Variants in ALK observed in about 807,000 individuals in gnomAD.
ALK encodes the protein ALK receptor tyrosine kinase.
A neutral mutation model predicts 163.1 loss-of-function variants in ALK; 74 were observed. The ratio of observed to expected loss-of-function variants is 0.45; its 90% CI spans 0.38 to 0.55. ALK has a LOEUF of 0.55. Ranked by LOEUF, ALK falls within the 20% of genes least tolerant of loss-of-function variation. The pLI, the probability that ALK is intolerant of heterozygous loss-of-function variation, is 0.00. For missense variants in ALK, 2,063 were observed against 2,105.3 expected, an observed-to-expected ratio of 0.98 and a Z score of 0.39; for synonymous variants, 960 against 843.2, an observed-to-expected ratio of 1.14 and a Z score of -2.40.
At chr2:29,786,378 A>C (rs763635714) in intron 1 of ALK, among the ~76,000 whole-genome samples, 1 of 152,230 alleles carries the variant, frequency 6.6e-6, no homozygotes, top group African/African-American at 2.4e-5. Context: ...AAGCCTCTGC[A>C]CAGCCATCAG....
At chr2:29,917,269 T>C (rs1413770239) in intron 1 of ALK, among the ~76,000 whole-genome samples, 3 of 152,286 alleles carry the variant, frequency 2.0e-5, no homozygotes, top group Non-Finnish European at 4.4e-5. Context: ...TCAGCATCAT[T>C]GTGTACCTCC....
At chr2:29,373,584 T>C (rs1254358097) in intron 5 of ALK, among the ~76,000 whole-genome samples, 1 of 152,252 alleles carries the variant, frequency 6.6e-6, no homozygotes, top group Admixed American at 6.5e-5. Context: ...ATATTTAAAA[T>C]AGTTGCCCAA....
chr2:29,543,487 C>T (rs1300420226), intron 3 of ALK, among the ~76,000 whole-genome samples: 2 of 152,198 alleles, frequency 1.3e-5, no homozygotes, highest in East Asian at 3.8e-4. Flanking sequence ...TATGAACACT[C>T]CCACTAGCAG....
chr2:29,643,766 G>A (rs907040719), intron 3 of ALK, among the ~76,000 whole-genome samples: 14 of 152,168 alleles, frequency 9.2e-5, no homozygotes, highest in Non-Finnish European at 1.9e-4. Context: ...TGGAGAGGAT[G>A]TGGAGAAACA....
At position 29,532,231 on chromosome 2, in the gene ALK, A is replaced by T. The variant is rs527468153; in HGVS notation, c.953-115T>A. 1.5e-4 allele frequency: 141 copies of T among 968,138 alleles called. No individual in the cohort carries two copies. The African/African-American group carries it at 2.0e-3, about 14-fold the overall frequency. The allele number at this position is 968,138 out of a possible 1,614,324, so 60.0% of individuals were successfully genotyped here. On this transcript the variant is annotated intron_variant, in intron 3 of 28. Coordinates refer to ENST00000389048, the MANE Select transcript of ALK (RefSeq NM_004304.5). The stretch of plus-strand genomic sequence containing the variant: ...AAAATCAGAGATACTGGAGGCCATT[A>T]TCTCCTTCTCTGCATGCACCCAGCC...
rs553877147 is a variant in ALK, at chr2:29,214,833, G to GTCACTGTGTT, written c.3646-762_3646-753dup. Among the ~76,000 whole-genome samples the GTCACTGTGTT allele has an allele frequency of 1.5e-3, 230 of 152,306 alleles. 1 individual carries two copies. Among genetic ancestry groups the GTCACTGTGTT allele is most frequent in the African/African-American group, 5.3e-3 (219 of 41,570 alleles). On this transcript the variant is annotated intron_variant, in intron 23 of 28. Coordinates refer to ENST00000389048, the MANE Select transcript of ALK (RefSeq NM_004304.5). ...CAGCTCAGCTTCATGCAGTGTCCGA[G>GTCACTGTGTT]TCACTGTGTTGTTCCATGTTGATTT... is the stretch of plus-strand genomic sequence containing the variant.
chr2:29,356,931 A>AT lies in ALK; in HGVS notation c.1282+26800dup, dbSNP rs1668263174. On this transcript the variant is annotated intron_variant, in intron 5 of 28. Coordinates refer to ENST00000389048, the MANE Select transcript of ALK (RefSeq NM_004304.5). ...TAAATGAAGCTTCCCCATCCAGCCC[A>AT]TGACTGCTCCACATCTTCAGAGACC... 2.0e-5 allele frequency among the ~76,000 whole-genome samples: 3 copies of AT among 150,084 alleles called. No homozygotes were observed. The South Asian group carries it at 6.4e-4, about 32-fold the overall frequency.
intron 1 of ALK, among the ~76,000 whole-genome samples, chr2:29,857,242 G>C (rs1373229815): frequency 6.6e-6 from 1 of 152,092 alleles, no homozygotes; most frequent in African/African-American, 2.4e-5. Flanking sequence ...CTATGTGAAT[G>C]GGCAGAGAAA....
intron 1 of ALK, among the ~76,000 whole-genome samples, chr2:29,764,954 G>T (rs1281551251): frequency 1.3e-5 from 2 of 152,166 alleles, no homozygotes; most frequent in African/African-American, 4.8e-5. Context: ...TCTCATGCTA[G>T]TGAGTGAGTT....
chr2:29,522,712 C>G (rs556813579), intron 4 of ALK, among the ~76,000 whole-genome samples: 93 of 152,270 alleles, frequency 6.1e-4, no homozygotes, highest in African/African-American at 2.2e-3. Flanking sequence ...CCACAAAGAA[C>G]CCCCACCCCA....
At chr2:29,199,379 AAGATT>A in intron 26 of ALK, among the ~76,000 whole-genome samples, 1 of 152,242 alleles carries the variant, frequency 6.6e-6, no homozygotes, top group Non-Finnish European at 1.5e-5. Context: ...CCCTTCACCA[AAGATT>A]AGATAAATAT....
At chr2:29,728,452 G>A (rs1340144593) in intron 1 of ALK, among the ~76,000 whole-genome samples, 1 of 152,240 alleles carries the variant, frequency 6.6e-6, no homozygotes, top group Non-Finnish European at 1.5e-5. Flanking sequence ...AGAGCTTCCA[G>A]GCTGAGGAGC....
chr2:29,492,846 C>G (rs1671935392), intron 4 of ALK, among the ~76,000 whole-genome samples: 1 of 152,088 alleles, frequency 6.6e-6, no homozygotes, highest in Admixed American at 6.5e-5. Context: ...GTAATATTGG[C>G]AAAGATCCTT....
chr2:29,461,764 T>C (rs1258237640), intron 4 of ALK, among the ~76,000 whole-genome samples: 2 of 152,140 alleles, frequency 1.3e-5, no homozygotes, highest in South Asian at 2.1e-4. Flanking sequence ...TTGCAGCCCA[T>C]TGATCACGAA....
chr2:29,225,449 CTG>C lies in ALK; in HGVS notation c.3172+10_3172+11del, dbSNP rs374518328. Reference sequence around the variant, plus strand: ...TGCCCCCTTGGGAGTCCCTGGGGCTCTGTGCACTCACCAATCATGATGCCGGA... The same window carrying C: ...TGCCCCCTTGGGAGTCCCTGGGGCTCTGCACTCACCAATCATGATGCCGGA... On this transcript the variant is annotated intron_variant, in intron 19 of 28. Coordinates refer to ENST00000389048, the MANE Select transcript of ALK (RefSeq NM_004304.5). 21 of 1,608,216 alleles carry C rather than the reference CTG, an allele frequency of 1.3e-5. No homozygotes were observed. The African/African-American group carries it at 1.9e-4, about 14-fold the overall frequency.
intron 1 of ALK, among the ~76,000 whole-genome samples, chr2:29,786,417 C>G (rs1000773730): frequency 7.9e-5 from 12 of 152,174 alleles, no homozygotes; most frequent in Non-Finnish European, 1.6e-4. Flanking sequence ...AATGCAAAGG[C>G]CAGCAAGTTG....
At chr2:29,449,922 T>C (rs943241898) in intron 4 of ALK, among the ~76,000 whole-genome samples, 2 of 152,218 alleles carry the variant, frequency 1.3e-5, no homozygotes. Context: ...ATTGGGAACA[T>C]AGGTCTTGAA....
At chr2:29,275,569 G>C in intron 9 of ALK, 73 bp from the exon 10 acceptor site, 4 of 1,479,856 alleles carry the variant, frequency 2.7e-6, no homozygotes, top group Non-Finnish European at 3.8e-6. Context: ...CATCCAGCAG[G>C]TGTGTGCTGA....
chr2:29,204,569 A>G (rs921006165), intron 26 of ALK, among the ~76,000 whole-genome samples: 1 of 152,152 alleles, frequency 6.6e-6, no homozygotes, highest in African/African-American at 2.4e-5. Context: ...ACATACTGGC[A>G]ACATGACCCA....
Sources: gnomAD v4.1 joint callset for allele counts (sites outside exome capture counted in the v4.1 genomes callset) on GRCh38, gnomAD v4.1.1 for gene constraint, MANE v1.5 for transcripts, NCBI Gene and HGNC (gene_info 2026-07-23, HGNC 2026-07-21) for gene names.